The following SOS1 variants were observed in gnomAD, a reference collection of about 807,000 sequenced individuals.
SOS1 encodes the protein son of sevenless homolog 1.
SOS1 carries 25 observed loss-of-function variants against 157.6 expected under a neutral mutation model. The observed-to-expected ratio is 0.16, with a 90% CI of 0.12 to 0.22. The LOEUF is 0.22. Among genes scored for constraint, SOS1 ranks in the 10% least tolerant of loss-of-function variants. The pLI is 1.00. For synonymous variants in SOS1, 528 were observed against 534.0 expected (o/e 0.99, Z 0.16); for missense variants, 1,237 against 1,599.1 (o/e 0.77, Z 3.86).
intron 10 of SOS1, among the ~76,000 whole-genome samples, chr2:39,016,897 A>G (rs1328678216): frequency 6.6e-6 from 1 of 152,128 alleles, no homozygotes; most frequent in Non-Finnish European, 1.5e-5. Context: ...AACTGTGGCT[A>G]TGTTTAAAGG....
Position 39,064,330 on chromosome 2 carries a change from C to A in SOS1, c.213+3298G>T, listed in dbSNP as rs574844403. Among the ~76,000 whole-genome samples the A allele has an allele frequency of 1.7e-4, 26 of 152,220 alleles. 1 individual carries two copies. The South Asian group carries it at 5.2e-3, about 30-fold the overall frequency. On this transcript the variant is annotated intron_variant, in intron 2 of 22. Transcript: ENST00000402219. ...TTAGCATTTTCAAGTGATGTTAACA[C>A]CTCTTAATACCACCACAGTGGGGTT...
intron 8 of SOS1, among the ~76,000 whole-genome samples, chr2:39,024,520 T>G (rs901056629): frequency 2.6e-5 from 4 of 151,950 alleles, no homozygotes; most frequent in African/African-American, 9.7e-5. Context: ...GGTCTTAGGT[T>G]TCTGACCCCT....
intron 6 of SOS1, among the ~76,000 whole-genome samples, chr2:39,044,878 A>ACACACACACACT (rs947248492): frequency 6.6e-6 from 1 of 151,880 alleles, no homozygotes; most frequent in African/African-American, 2.4e-5. Context: ...ACACACACAC[A>ACACACACACACT]CACTCTGTTG....
chr2:39,110,536 C>G (rs1673385628), intron 1 of SOS1, among the ~76,000 whole-genome samples: 1 of 151,428 alleles, frequency 6.6e-6, no homozygotes, highest in Non-Finnish European at 1.5e-5. Context: ...CAGCCCTGCT[C>G]TGCAAGGAGC....
Position 39,105,734 on chromosome 2 carries a change from T to C in SOS1, c.87+14602A>G, listed in dbSNP as rs575797010. 4.0e-5 allele frequency among the ~76,000 whole-genome samples: 6 copies of C among 151,106 alleles called. No homozygotes were observed. The South Asian group carries it at 8.4e-4, about 21-fold the overall frequency. On this transcript the variant is annotated intron_variant, in intron 1 of 22. Coordinates refer to ENST00000402219, the MANE Select transcript of SOS1 (RefSeq NM_005633.4). Reference sequence around the variant, plus strand: ...CCAACATGCGAAACCCTGTCTCTACTAAAAATACAAAAAAAAATAGCTGGG... The same window carrying C: ...CCAACATGCGAAACCCTGTCTCTACCAAAAATACAAAAAAAAATAGCTGGG...
intron 8 of SOS1, among the ~76,000 whole-genome samples, chr2:39,027,985 C>T (rs1670025040): frequency 6.6e-6 from 1 of 152,076 alleles, no homozygotes; most frequent in Non-Finnish European, 1.5e-5. Flanking sequence ...TGCGTGTTAC[C>T]ACACCCAGAA....
At chr2:39,021,273 A>C (rs924189715) in intron 10 of SOS1, among the ~76,000 whole-genome samples, 1 of 151,616 alleles carries the variant, frequency 6.6e-6, no homozygotes, top group Non-Finnish European at 1.5e-5. Context: ...TTTTGCTTTA[A>C]AGTGTCCTCA....
At chr2:39,094,854 A>G (rs1672715901) in intron 1 of SOS1, among the ~76,000 whole-genome samples, 1 of 152,192 alleles carries the variant, frequency 6.6e-6, no homozygotes, top group Admixed American at 6.5e-5. Flanking sequence ...CCTCTTTATA[A>G]GGATACATTG....
At chr2:39,115,219 A>G (rs1208451127) in intron 1 of SOS1, among the ~76,000 whole-genome samples, 3 of 152,092 alleles carry the variant, frequency 2.0e-5, no homozygotes, top group African/African-American at 7.2e-5. Context: ...CATCAGCACA[A>G]TCAAGATAAG....
At position 38,986,010 on chromosome 2, in the gene SOS1, A is replaced by G; in HGVS notation, c.3816T>C (p.His1272=). The change falls in exon 23 of 23, where the codon CAT becomes CAC. Residue 1272 remains histidine (H), a synonymous_variant. Transcript: ENST00000402219. ...QTPSPHGTRR[H]LPSPPLTQEV... is the part of the protein sequence containing the mutation. ...CTTGTGTCAATGGTGGTGATGGCAGATGCCTTCTTGTGCCGTGAGGAGAAG... is the reference window on the plus strand; with the variant it reads ...CTTGTGTCAATGGTGGTGATGGCAGGTGCCTTCTTGTGCCGTGAGGAGAAG... 6.2e-7 allele frequency: 1 copy of G among 1,613,926 alleles called. No individual in the cohort carries two copies. Among genetic ancestry groups the G allele is most frequent in the Non-Finnish European group, 8.5e-7 (1 of 1,179,890 alleles).
At chr2:38,990,807 T>C (rs1205343545) in intron 20 of SOS1, among the ~76,000 whole-genome samples, 2 of 152,198 alleles carry the variant, frequency 1.3e-5, no homozygotes, top group East Asian at 3.8e-4. Flanking sequence ...TTGGTAAATT[T>C]GGGGCACTAG....
intron 1 of SOS1, among the ~76,000 whole-genome samples, chr2:39,094,294 A>C (rs964804469): frequency 6.6e-6 from 1 of 152,046 alleles, no homozygotes; most frequent in Non-Finnish European, 1.5e-5. Context: ...CTTTTATTTA[A>C]AAATTGATGG....
chr2:39,085,194 C>T (rs1672329917), intron 1 of SOS1, among the ~76,000 whole-genome samples: 2 of 152,050 alleles, frequency 1.3e-5, no homozygotes, highest in South Asian at 2.1e-4. Context: ...TACAGGCATA[C>T]ACCACCATGC....
At chr2:39,077,693 T>C (rs1672063077) in intron 1 of SOS1, among the ~76,000 whole-genome samples, 1 of 151,956 alleles carries the variant, frequency 6.6e-6, no homozygotes, top group Non-Finnish European at 1.5e-5. Flanking sequence ...GAAAATAATA[T>C]AAAACAAGAG....
At chr2:39,123,978 C>T (rs1449920587), upstream of SOS1, among the ~76,000 whole-genome samples, 8 of 152,184 alleles carry the variant, frequency 5.3e-5, no homozygotes. Context: ...CTGGGCTAGG[C>T]TTGCTTAGCG....
At chr2:38,999,712 A>G (rs927718973) in intron 17 of SOS1, among the ~76,000 whole-genome samples, 2 of 152,358 alleles carry the variant, frequency 1.3e-5, no homozygotes, top group East Asian at 1.9e-4. Flanking sequence ...AAACACGTCC[A>G]TAAGAGTATG....
intron 1 of SOS1, among the ~76,000 whole-genome samples, chr2:39,084,933 C>A (rs1461445025): frequency 6.6e-6 from 1 of 152,148 alleles, no homozygotes; most frequent in African/African-American, 2.4e-5. Flanking sequence ...CTTTATCTTC[C>A]AAAAGTGGCA....
chr2:39,016,040 A>T (rs915660014), intron 10 of SOS1, among the ~76,000 whole-genome samples: 18 of 151,782 alleles, frequency 1.2e-4, no homozygotes, highest in African/African-American at 3.9e-4. Context: ...TTGTTTGGAA[A>T]ATTTTCATTT....
chr2:39,088,374 T>C (rs373450933), intron 1 of SOS1, among the ~76,000 whole-genome samples: 1 of 151,404 alleles, frequency 6.6e-6, no homozygotes, highest in Non-Finnish European at 1.5e-5. Flanking sequence ...TAACCATTTC[T>C]ACATGCATAA....
Sources: gnomAD v4.1 joint callset for allele counts (sites outside exome capture counted in the v4.1 genomes callset) on GRCh38, gnomAD v4.1.1 for gene constraint, MANE v1.5 for transcripts, NCBI Gene and HGNC (gene_info 2026-07-23, HGNC 2026-07-21) for gene names.